The following MGAT4C variants were observed in gnomAD, a reference collection of about 807,000 sequenced individuals.
MGAT4C encodes the protein alpha-1,3-mannosyl-glycoprotein 4-beta-N-acetylglucosaminyltransferase C.
MGAT4C carries 19 observed loss-of-function variants against 40.1 expected under a neutral mutation model. The observed-to-expected ratio is 0.47, with a 90% CI of 0.33 to 0.70. The LOEUF (loss-of-function observed/expected upper bound fraction) is 0.70, where lower values mean the gene tolerates loss of function less well. Ranked by LOEUF, MGAT4C falls within the 30% of genes least tolerant of loss-of-function variation. The pLI is 0.02. For missense variants in MGAT4C, 491 were observed against 563.2 expected (o/e 0.87, Z 1.30); for synonymous variants, 181 against 187.1 (o/e 0.97, Z 0.27).
At chr12:86,472,133 A>G (rs898717735) in intron 2 of MGAT4C, among the ~76,000 whole-genome samples, 3 of 152,140 alleles carry the variant, frequency 2.0e-5, no homozygotes, top group Non-Finnish European at 4.4e-5. Flanking sequence ...TAGGGCACCA[A>G]TTGTAGGATG....
intron 3 of MGAT4C, among the ~76,000 whole-genome samples, chr12:86,365,044 G>A (rs368817429): frequency 1.7e-4 from 26 of 152,206 alleles, no homozygotes; most frequent in African/African-American, 6.3e-4. Flanking sequence ...ACGCCTGGGA[G>A]CACTACGGGA....
chr12:86,375,509 T>G (rs570037859), intron 3 of MGAT4C, among the ~76,000 whole-genome samples: 2 of 152,256 alleles, frequency 1.3e-5, no homozygotes, highest in African/African-American at 4.8e-5. Flanking sequence ...TCAATCTGTT[T>G]CTTAAAGTTT....
chr12:86,415,748 A>G (rs1956697760), intron 3 of MGAT4C, among the ~76,000 whole-genome samples: 1 of 152,028 alleles, frequency 6.6e-6, no homozygotes, highest in Admixed American at 6.6e-5. Context: ...GGACTCTAAG[A>G]AAGAACATTT....
intron 1 of MGAT4C, among the ~76,000 whole-genome samples, chr12:86,223,890 T>G (rs1425257972): frequency 6.6e-6 from 1 of 152,160 alleles, no homozygotes; most frequent in Non-Finnish European, 1.5e-5. Context: ...CAGTCACTAC[T>G]ATCACTAGCA....
chr12:86,359,893 C>T (rs941151795), intron 3 of MGAT4C, among the ~76,000 whole-genome samples: 2 of 152,124 alleles, frequency 1.3e-5, no homozygotes, highest in African/African-American at 4.8e-5. Flanking sequence ...CCAAATTCTA[C>T]CAGAGGTACA....
chr12:86,528,956 G>A (rs930195210), intron 2 of MGAT4C, among the ~76,000 whole-genome samples: 1 of 151,248 alleles, frequency 6.6e-6, no homozygotes, highest in Admixed American at 6.6e-5. Context: ...ATGTACCCCT[G>A]AACTTAAAAT....
At chr12:86,584,491 C>T (rs965936088) in intron 2 of MGAT4C, among the ~76,000 whole-genome samples, 2 of 150,930 alleles carry the variant, frequency 1.3e-5, no homozygotes, top group African/African-American at 4.8e-5. Flanking sequence ...ATATGTTGCT[C>T]AACCTAAATA....
Position 85,959,096 on chromosome 12 carries a change from TC to T in MGAT4C, c.*20192del, listed in dbSNP as rs1882977014. On this transcript the variant is annotated 3_prime_UTR_variant, in exon 5 of 5. Transcript: ENST00000611864. ...ACAATACAATACAATACATGTAGAC[TC>T]AGCATCCAAACTTTATTTTACCTTC... 1 of 137,616 alleles carries T rather than the reference TC, an allele frequency of 7.3e-6. No individual in the cohort carries two copies. Among genetic ancestry groups the T allele is most frequent in the Non-Finnish European group, 1.7e-5 (1 of 59,408 alleles). 8.5% of individuals were successfully genotyped at this position (137,616 alleles called of 1,614,324 possible). A position where few individuals can be genotyped will look rare whatever the true frequency, so the allele number is the denominator to read the frequency against.
At position 85,956,716 on chromosome 12, in the gene MGAT4C, G is replaced by T. The variant is rs1882814786; in HGVS notation, c.*22573C>A. ...CACATAATTAGTCAATAAATCATGA[G>T]CCCAAAGTCTATCCTCAACCAATCT... On this transcript the variant is annotated 3_prime_UTR_variant, in exon 5 of 5. Coordinates refer to ENST00000611864, the MANE Select transcript of MGAT4C (RefSeq NM_001351288.2). 1 of 152,136 alleles carries T rather than the reference G, an allele frequency of 6.6e-6. No homozygotes were observed. Among genetic ancestry groups the T allele is most frequent in the African/African-American group, 2.4e-5 (1 of 41,426 alleles). 9.4% of individuals were successfully genotyped at this position (152,136 alleles called of 1,614,324 possible).
intron 2 of MGAT4C, among the ~76,000 whole-genome samples, chr12:86,612,904 A>G (rs1962334123): frequency 6.6e-6 from 1 of 152,162 alleles, no homozygotes; most frequent in South Asian, 2.1e-4. Context: ...AAACTGCTGC[A>G]ATTAATGTTC....
intron 4 of MGAT4C, among the ~76,000 whole-genome samples, chr12:86,297,775 C>A (rs184554356): frequency 6.6e-6 from 1 of 152,050 alleles, no homozygotes; most frequent in Non-Finnish European, 1.5e-5. Flanking sequence ...AAGGGAGGAT[C>A]GTTCATCCTA....
At chr12:86,828,378 C>T (rs2136233490) in intron 1 of MGAT4C, among the ~76,000 whole-genome samples, 1 of 151,330 alleles carries the variant, frequency 6.6e-6, no homozygotes, top group African/African-American at 2.4e-5. Flanking sequence ...CTAATCTTAT[C>T]AGGCTAGAGT....
At chr12:85,985,841 A>G (rs543647244) in intron 3 of MGAT4C, among the ~76,000 whole-genome samples, 1 of 152,316 alleles carries the variant, frequency 6.6e-6, no homozygotes, top group Middle Eastern at 3.4e-3. Context: ...TTTAATAGTA[A>G]TGTAGTGATG....
intron 1 of MGAT4C, among the ~76,000 whole-genome samples, chr12:86,064,911 C>T (rs1894383530): frequency 1.3e-5 from 2 of 152,084 alleles, no homozygotes; most frequent in Admixed American, 1.3e-4. Flanking sequence ...TACAAACCAC[C>T]ATCAGAGAAT....
At chr12:86,394,455 T>C (rs1280829490) in intron 3 of MGAT4C, among the ~76,000 whole-genome samples, 2 of 147,132 alleles carry the variant, frequency 1.4e-5, no homozygotes, top group African/African-American at 4.9e-5. Context: ...AGAAATTTGG[T>C]TTAATTATAT....
intron 1 of MGAT4C, among the ~76,000 whole-genome samples, chr12:86,729,330 A>G (rs1950872874): frequency 6.6e-6 from 1 of 152,138 alleles, no homozygotes; most frequent in African/African-American, 2.4e-5. Context: ...TAACCCACAA[A>G]TATATACACC....
intron 1 of MGAT4C, among the ~76,000 whole-genome samples, chr12:86,101,100 CTA>C (rs1310529109): frequency 6.6e-6 from 1 of 151,592 alleles, no homozygotes; most frequent in Admixed American, 6.6e-5. Context: ...TAAGGAGACA[CTA>C]TTTTTTTCAG....
intron 1 of MGAT4C, among the ~76,000 whole-genome samples, chr12:86,185,566 A>G (rs1888667873): frequency 6.6e-6 from 1 of 152,150 alleles, no homozygotes. Flanking sequence ...ATAGTTTCAA[A>G]CATGATCTAA....
At chr12:86,566,524 TCATATACATATATATATATATATA>T (rs1960109382) in intron 2 of MGAT4C, among the ~76,000 whole-genome samples, 1 of 54,102 alleles carries the variant, frequency 1.8e-5, no homozygotes, top group Non-Finnish European at 3.4e-5. Flanking sequence ...CTTAGTAAAC[TCATATACATATATATATATATATA>T]TATATATATA....
Sources: allele counts gnomAD v4.1 joint callset (sites outside exome capture counted in the v4.1 genomes callset), GRCh38; gene constraint gnomAD v4.1.1; transcripts MANE v1.5; gene names NCBI Gene and HGNC (gene_info 2026-07-23, HGNC 2026-07-21).